EPS8: variants seen among roughly 807,000 people sequenced by gnomAD.
The protein encoded by EPS8 is EGFR pathway substrate 8, signaling adaptor, also known as epidermal growth factor receptor kinase substrate 8.
In EPS8, 42 loss-of-function variants were observed where a neutral mutation model predicts 103.8. The observed-to-expected ratio is 0.40, with a 90% CI of 0.32 to 0.52. The LOEUF is 0.52. EPS8 is among the 20% of genes least tolerant of loss of function. EPS8 has a pLI of 0.40. For synonymous variants in EPS8, 344 were observed against 344.6 expected, an observed-to-expected ratio of 1.00 and a Z score of 0.02; for missense variants, 969 against 1,005.1, an observed-to-expected ratio of 0.96 and a Z score of 0.49.
intron 1 of EPS8, among the ~76,000 whole-genome samples, chr12:15,739,430 T>C (rs1946797510): frequency 6.6e-6 from 1 of 151,712 alleles, no homozygotes; most frequent in South Asian, 2.1e-4. Context: ...TGTGAGTCGG[T>C]GGCCTGGGGA....
intron 1 of EPS8, among the ~76,000 whole-genome samples, chr12:15,732,208 G>A (rs1313433524): frequency 6.6e-6 from 1 of 152,146 alleles, no homozygotes; most frequent in African/African-American, 2.4e-5. Flanking sequence ...GAGATGAATG[G>A]TGTATCAAAG....
rs1018169901 is a variant in EPS8 at position 15,759,887 on chromosome 12, A to G, written c.-22+29274T>C. Among the ~76,000 whole-genome samples, 10 of 151,946 alleles carry G rather than the reference A, an allele frequency of 6.6e-5. No homozygotes were observed. The highest frequency in any genetic ancestry group is 2.0e-4 in the Admixed American group (3 of 15,276). On this transcript the variant is annotated intron_variant, in intron 1 of 20. Coordinates refer to ENST00000281172, the MANE Select transcript of EPS8 (RefSeq NM_004447.6). The surrounding 1 kb of genome is among the most constrained non-coding windows in gnomAD (Gnocchi z 4.9). ...AAGAAGAAAAACTTCAAATAACCCAACAATGCATCTTAAAGAACTAGAAAA... is the reference window on the plus strand; with the variant it reads ...AAGAAGAAAAACTTCAAATAACCCAGCAATGCATCTTAAAGAACTAGAAAA...
rs1339197396 is a variant in EPS8, at chr12:15,751,479, T to A, written c.-22+37682A>T. ...ACTATAGCAATAAACAAGGCCACAA[T>A]GATCCCAGTCCTAAAAAGCTCACAT... On this transcript the variant is annotated intron_variant, in intron 1 of 20. Transcript: ENST00000281172. The surrounding 1 kb of genome is among the most constrained non-coding windows in gnomAD (Gnocchi z 4.3). 6.6e-6 allele frequency among the ~76,000 whole-genome samples: 1 copy of A among 152,174 alleles called. No individual in the cohort carries two copies. The highest frequency in any genetic ancestry group is 2.4e-5 in the African/African-American group (1 of 41,420).
chr12:15,773,670 T>C (rs556374705), intron 1 of EPS8, among the ~76,000 whole-genome samples: 1 of 152,282 alleles, frequency 6.6e-6, no homozygotes, highest in African/African-American at 2.4e-5. Context: ...GCTGACATAG[T>C]CTGCATCAGT....
intron 18 of EPS8, among the ~76,000 whole-genome samples, chr12:15,629,098 T>G (rs1000949998): frequency 2.6e-5 from 4 of 152,220 alleles, no homozygotes; most frequent in African/African-American, 9.7e-5. Flanking sequence ...GTATGTGTGT[T>G]AATTTTGGGA....
rs1158272750 is a variant in EPS8 at position 15,713,704 on chromosome 12, A to G, written c.-21-30732T>C. ...CACGAGGTATAAAGTTGGTACTGAG[A>G]TTCTTCCAGAAAACCAGGGCTGTCT... On this transcript the variant is annotated intron_variant, in intron 1 of 20. Transcript: ENST00000281172. This position sits in a 1 kb window ranked among gnomAD's most constrained non-coding sequence, Gnocchi z 4.8. Among the ~76,000 whole-genome samples the G allele has an allele frequency of 6.6e-6, 1 of 152,206 alleles. No individual in the cohort carries two copies. Among genetic ancestry groups the G allele is most frequent in the Admixed American group, 6.5e-5 (1 of 15,276 alleles).
In EPS8 at chr12:15,787,726, T is replaced by C. The variant is rs1466618833; in HGVS notation, c.-22+1435A>G. Reference sequence around the variant, plus strand: ...AAGTCTCAATCTGTGTATTCTGCAATAAAGGCATTATATTATCACTATTGC... The same window carrying C: ...AAGTCTCAATCTGTGTATTCTGCAACAAAGGCATTATATTATCACTATTGC... On this transcript the variant is annotated intron_variant, in intron 1 of 20. Coordinates refer to ENST00000281172, the MANE Select transcript of EPS8 (RefSeq NM_004447.6). The surrounding 1 kb of genome is among the most constrained non-coding windows in gnomAD (Gnocchi z 4.9). 6.6e-6 allele frequency among the ~76,000 whole-genome samples: 1 copy of C among 152,194 alleles called. No individual in the cohort carries two copies. Among genetic ancestry groups the C allele is most frequent in the Admixed American group, 6.5e-5 (1 of 15,286 alleles).
chr12:15,737,987 T>G (rs534404866), intron 1 of EPS8, among the ~76,000 whole-genome samples: 15 of 152,258 alleles, frequency 9.9e-5, no homozygotes, highest in Admixed American at 9.8e-4. Flanking sequence ...TTTTCCACTT[T>G]TTATACAAAC....
Position 15,781,547 on chromosome 12 carries a change from T to C in EPS8, c.-22+7614A>G, listed in dbSNP as rs1252595851. On this transcript the variant is annotated intron_variant, in intron 1 of 20. Transcript: ENST00000281172. This position sits in a 1 kb window ranked among gnomAD's most constrained non-coding sequence, Gnocchi z 4.1. ...CTCTTGTAACAGTGAAAGAAGATAA[T>C]GTATGTAACACCTGCCACACAAAAG... Among the ~76,000 whole-genome samples, 1 of 152,192 alleles carries C rather than the reference T, an allele frequency of 6.6e-6. No individual in the cohort carries two copies. Among genetic ancestry groups the C allele is most frequent in the South Asian group, 2.1e-4 (1 of 4,824 alleles).
In EPS8 at chr12:15,749,683, T is replaced by C. The variant is rs1946911220; in HGVS notation, c.-22+39478A>G. 6.6e-6 allele frequency among the ~76,000 whole-genome samples: 1 copy of C among 152,166 alleles called. No individual in the cohort carries two copies. Among genetic ancestry groups the C allele is most frequent in the Admixed American group, 6.5e-5 (1 of 15,278 alleles). On this transcript the variant is annotated intron_variant, in intron 1 of 20. Transcript: ENST00000281172. The surrounding 1 kb of genome is among the most constrained non-coding windows in gnomAD (Gnocchi z 4.0). ...AAATTAACCTAATCAAAACAACATA[T>C]ATCATATTGTTCATAATATCTTCAT... is the stretch of plus-strand genomic sequence containing the variant.
At chr12:15,768,907 A>C (rs996610812) in intron 1 of EPS8, among the ~76,000 whole-genome samples, 1 of 152,256 alleles carries the variant, frequency 6.6e-6, no homozygotes, top group Non-Finnish European at 1.5e-5. Context: ...CATTTCTTAT[A>C]TATTATTTTA....
intron 3 of EPS8, among the ~76,000 whole-genome samples, chr12:15,676,252 T>C (rs1591845230): frequency 2.1e-5 from 2 of 93,544 alleles, no homozygotes; most frequent in Admixed American, 1.8e-4. Context: ...AGGGCAAGAC[T>C]CCATCTCAAA....
chr12:15,673,914 T>C (rs1214107263), intron 3 of EPS8, among the ~76,000 whole-genome samples: 2 of 152,158 alleles, frequency 1.3e-5, no homozygotes, highest in Non-Finnish European at 2.9e-5. Flanking sequence ...ACTGGTTGTG[T>C]TTCACTATTT....
chr12:15,641,458 GAAGA>G (rs1237452287), intron 16 of EPS8, among the ~76,000 whole-genome samples: 1 of 151,584 alleles, frequency 6.6e-6, no homozygotes, highest in Non-Finnish European at 1.5e-5. Context: ...AATATCAGAA[GAAGA>G]AAGAGGGCAA....
At chr12:15,665,625 C>T in intron 8 of EPS8, 131 bp downstream of exon 8, 1 of 1,116,898 alleles carries the variant, frequency 9.0e-7, no homozygotes, top group Non-Finnish European at 1.3e-6. Context: ...GCCACTGCGC[C>T]CGGCCAGAGT....
Position 15,789,319 on chromosome 12 carries a change from C to A in EPS8, c.-180G>T, listed in dbSNP as rs1413872080. 1 of 152,242 alleles carries A rather than the reference C, an allele frequency of 6.6e-6. No individual in the cohort carries two copies. Among genetic ancestry groups the A allele is most frequent in the African/African-American group, 2.4e-5 (1 of 41,458 alleles). The allele number at this position is 152,242 out of a possible 1,614,324, so 9.4% of individuals were successfully genotyped here. ...CTGCACCCAGCTAAAGAGCAGCGATCTCCGAGGCGAGCACAGCGCCGGCCT... is the reference window on the plus strand; with the variant it reads ...CTGCACCCAGCTAAAGAGCAGCGATATCCGAGGCGAGCACAGCGCCGGCCT... On this transcript the variant is annotated 5_prime_UTR_variant, in exon 1 of 21. Coordinates refer to ENST00000281172, the MANE Select transcript of EPS8 (RefSeq NM_004447.6). The surrounding 1 kb of genome is among the most constrained non-coding windows in gnomAD (Gnocchi z 6.1).
At chr12:15,707,021 G>A (rs553113571) in intron 1 of EPS8, among the ~76,000 whole-genome samples, 3 of 152,160 alleles carry the variant, frequency 2.0e-5, no homozygotes, top group African/African-American at 7.2e-5. Flanking sequence ...AAGAACAATC[G>A]AAGTATGCAA....
intron 18 of EPS8, among the ~76,000 whole-genome samples, chr12:15,629,220 C>T (rs958822517): frequency 3.9e-5 from 6 of 152,118 alleles, no homozygotes; most frequent in African/African-American, 1.4e-4. Flanking sequence ...AGTATGCAAA[C>T]TATGCCTCTT....
chr12:15,637,765 T>C (rs1455710104), intron 17 of EPS8, among the ~76,000 whole-genome samples: 1 of 152,144 alleles, frequency 6.6e-6, no homozygotes, highest in Non-Finnish European at 1.5e-5. Context: ...AGAAAACAAA[T>C]GTGTGGGCCA....
Sources: allele counts gnomAD v4.1 joint callset (sites outside exome capture counted in the v4.1 genomes callset), GRCh38; gene constraint gnomAD v4.1.1; non-coding constraint Gnocchi (gnomAD v3.1); transcripts MANE v1.5; gene names NCBI Gene and HGNC (gene_info 2026-07-23, HGNC 2026-07-21).